Variants in PEPD observed in about 807,000 individuals in gnomAD.
PEPD encodes peptidase D, also known as xaa-Pro dipeptidase.
Under a neutral mutation model 60.7 loss-of-function variants are expected in PEPD, and 53 were observed. That is an observed-to-expected ratio of 0.87 (90% confidence interval 0.70 to 1.10). The LOEUF (loss-of-function observed/expected upper bound fraction) is 1.10. Among genes scored for constraint, PEPD ranks in the 50% least tolerant of loss-of-function variants. The pLI is 0.00. For synonymous variants in PEPD, 267 were observed against 284.1 expected, an observed-to-expected ratio of 0.94 and a Z score of 0.60; for missense variants, 711 against 711.9, an observed-to-expected ratio of 1.00 and a Z score of 0.01.
chr19:33,454,747 A>G (rs559512018), intron 9 of PEPD, among the ~76,000 whole-genome samples: 2 of 152,356 alleles, frequency 1.3e-5, no homozygotes, highest in African/African-American at 4.8e-5. Context: ...TGGGTGGCAC[A>G]CAGTGACTGC....
rs184758874 is a variant in PEPD, at chr19:33,425,254, G to A, written c.672-11611C>T. On this transcript the variant is annotated intron_variant, in intron 9 of 14. Transcript: ENST00000244137. ...TCGTGGTGGCACACATCTGTAATGC[G>A]CCACTGCACTCCAGCCTGGGCGACA... is the stretch of plus-strand genomic sequence containing the variant. 5.3e-5 allele frequency among the ~76,000 whole-genome samples: 8 copies of A among 152,076 alleles called. No individual in the cohort carries two copies. The East Asian group carries it at 5.8e-4, about 11-fold the overall frequency.
chr19:33,421,926 T>C (rs1390973289), intron 9 of PEPD, among the ~76,000 whole-genome samples: 1 of 152,110 alleles, frequency 6.6e-6, no homozygotes, highest in African/African-American at 2.4e-5. Context: ...GGATGGTGAA[T>C]GGTGATGGTG....
intron 9 of PEPD, among the ~76,000 whole-genome samples, chr19:33,426,786 C>T (rs1969160173): frequency 6.6e-6 from 1 of 152,238 alleles, no homozygotes; most frequent in Non-Finnish European, 1.5e-5. Flanking sequence ...AGATCCCCAG[C>T]ACCTGCAGGA....
rs116940232 is a variant in PEPD, at chr19:33,427,780, A to C, written c.672-14137T>G. Among the ~76,000 whole-genome samples the C allele has an allele frequency of 1.6e-3, 247 of 152,274 alleles. 3 individuals carry two copies. The South Asian group carries it at 0.018, about 11-fold the overall frequency. ...ATTATACGAAGCCAATAATTAGAAG[A>C]ATTTGTGCTTTTAATTATATCTTAA... is the stretch of plus-strand genomic sequence containing the variant. On this transcript the variant is annotated intron_variant, in intron 9 of 14. Coordinates refer to ENST00000244137, the MANE Select transcript of PEPD (RefSeq NM_000285.4).
chr19:33,486,466 C>T (rs1438251659), intron 6 of PEPD, among the ~76,000 whole-genome samples: 2 of 152,112 alleles, frequency 1.3e-5, no homozygotes, highest in African/African-American at 4.8e-5. Flanking sequence ...ACCCTTCACG[C>T]TACTGTCATC....
At chr19:33,458,691 G>A (rs1275824937) in intron 9 of PEPD, among the ~76,000 whole-genome samples, 2 of 98,740 alleles carry the variant, frequency 2.0e-5, no homozygotes, top group Admixed American at 9.8e-5. Flanking sequence ...GGTCTGTGGT[G>A]TGTGGTGTGT....
At chr19:33,397,456 C>T (rs536615622) in intron 12 of PEPD, among the ~76,000 whole-genome samples, 23 of 152,042 alleles carry the variant, frequency 1.5e-4, no homozygotes, top group Admixed American at 5.2e-4. Flanking sequence ...ACGGCCTCCT[C>T]GATGCTACGG....
chr19:33,458,625 T>C (rs1969864292), intron 9 of PEPD, among the ~76,000 whole-genome samples: 1 of 137,604 alleles, frequency 7.3e-6, no homozygotes, highest in Non-Finnish European at 1.6e-5. Context: ...GTATGTGTGA[T>C]GTGTGTGGCG....
intron 9 of PEPD, among the ~76,000 whole-genome samples, chr19:33,436,060 G>A (rs970761848): frequency 1.6e-4 from 24 of 152,274 alleles, no homozygotes; most frequent in African/African-American, 5.8e-4. Context: ...TCAGGGCACT[G>A]CTTTTGGCCT....
intron 9 of PEPD, among the ~76,000 whole-genome samples, chr19:33,446,203 G>A (rs775705439): frequency 1.6e-4 from 25 of 151,992 alleles, no homozygotes; most frequent in African/African-American, 4.4e-4. Context: ...CTCCAGGCAC[G>A]CCACCCATCA....
At chr19:33,471,590 T>A (rs73590282) in intron 7 of PEPD, among the ~76,000 whole-genome samples, 1,838 of 152,196 alleles carry the variant, frequency 0.012, 38 homozygotes, top group African/African-American at 0.041. Flanking sequence ...CCCCAGGGGA[T>A]GTGTGGGGTG....
intron 4 of PEPD, among the ~76,000 whole-genome samples, chr19:33,496,739 C>G (rs543521515): frequency 1.2e-4 from 19 of 152,314 alleles, no homozygotes; most frequent in African/African-American, 4.6e-4. Context: ...TCGATTTCTC[C>G]GGCAGCCCCC....
intron 7 of PEPD, among the ~76,000 whole-genome samples, chr19:33,467,240 C>T (rs1970037413): frequency 6.7e-6 from 1 of 148,290 alleles, no homozygotes; most frequent in East Asian, 1.9e-4. Flanking sequence ...TTGAGGGAGG[C>T]CCTGGGCTTG....
intron 6 of PEPD, among the ~76,000 whole-genome samples, chr19:33,487,892 T>C (rs575787115): frequency 9.8e-4 from 148 of 151,308 alleles, no homozygotes; most frequent in African/African-American, 3.5e-3. Flanking sequence ...TCCTGGGGGG[T>C]AGAACGAGAC....
chr19:33,413,229 C>T (rs565395800), intron 10 of PEPD, among the ~76,000 whole-genome samples: 8 of 152,344 alleles, frequency 5.3e-5, no homozygotes, highest in East Asian at 1.9e-4. Context: ...GCTCACAGCC[C>T]GGTCCCCACA....
At chr19:33,468,592 G>A (rs1025460396) in intron 7 of PEPD, among the ~76,000 whole-genome samples, 16 of 152,220 alleles carry the variant, frequency 1.1e-4, no homozygotes, top group South Asian at 4.1e-4. Context: ...GAACTTCAAG[G>A]GAGCAGCCCA....
At chr19:33,469,331 A>C (rs909830998) in intron 7 of PEPD, among the ~76,000 whole-genome samples, 1 of 152,102 alleles carries the variant, frequency 6.6e-6, no homozygotes, top group Non-Finnish European at 1.5e-5. Context: ...ATGGCCAAGC[A>C]AGCCCCAGTC....
At chr19:33,511,445 C>T (rs1325248467) in intron 2 of PEPD, 5 of 414,412 alleles carry the variant, frequency 1.2e-5, no homozygotes, top group South Asian at 4.1e-5. Context: ...CACAACAGGG[C>T]GTCCAGCAGC....
At position 33,422,812 on chromosome 19, in the gene PEPD, C is replaced by CTAT. The variant is rs1481628605; in HGVS notation, c.672-9170_672-9169insATA. ...TCCCTCTATCTATCCATCCATCCAT[C>CTAT]CTTCTATATCTATCTATCTATCTAT... On this transcript the variant is annotated intron_variant, in intron 9 of 14. Transcript: ENST00000244137. Among the ~76,000 whole-genome samples the CTAT allele has an allele frequency of 5.6e-3, 495 of 87,648 alleles. 6 individuals are homozygous for CTAT. Among genetic ancestry groups the CTAT allele is most frequent in the African/African-American group, 0.021 (455 of 21,208 alleles). The allele number at this position is 87,648 out of a possible 152,430, so 57.5% of individuals were successfully genotyped here.
Sources: allele counts gnomAD v4.1 joint callset (sites outside exome capture counted in the v4.1 genomes callset), GRCh38; gene constraint gnomAD v4.1.1; transcripts MANE v1.5; gene names NCBI Gene and HGNC (gene_info 2026-07-23, HGNC 2026-07-21).